The following CUL1 variants were observed in gnomAD, a reference collection of about 807,000 sequenced individuals.
CUL1 encodes cullin-1.
In CUL1, 24 loss-of-function variants were observed where a neutral mutation model predicts 118.0. The observed-to-expected ratio is 0.20, with a 90% confidence interval of 0.15 to 0.29. The LOEUF is 0.29. CUL1 is among the 10% of genes least tolerant of loss of function. CUL1 has a pLI of 1.00. For missense variants in CUL1, 361 were observed against 933.8 expected (o/e 0.39, Z 7.99); for synonymous variants, 332 against 340.4 (o/e 0.98, Z 0.27).
At chr7:148,748,421 T>C (rs1382277079) in intron 2 of CUL1, among the ~76,000 whole-genome samples, 1 of 152,214 alleles carries the variant, frequency 6.6e-6, no homozygotes, top group Non-Finnish European at 1.5e-5. Flanking sequence ...TAAGGCAATG[T>C]TGTTAGGAAT....
chr7:148,753,943 G>GGTTA, intron 2 of CUL1, 33 bp from the exon 3 acceptor site: 2 of 1,506,426 alleles, frequency 1.3e-6, no homozygotes, highest in Non-Finnish European at 1.8e-6. Flanking sequence ...TAACGTCTGT[G>GGTTA]ATATATGTTG....
In CUL1 at chr7:148,789,826, G is replaced by A. The variant is rs755146717; in HGVS notation, c.1674G>A (p.Glu558=). 1 of 1,614,026 alleles carries A rather than the reference G, an allele frequency of 6.2e-7. No individual in the cohort carries two copies. The highest frequency in any genetic ancestry group is 1.1e-5 in the South Asian group (1 of 91,066). ...QQSCTFALPS[E]LERSYQRFTA... Reference sequence around the variant, plus strand: ...CTTGTACATTTGCCTTGCCGTCAGAGGTAAGGATGGGTTTGTCTGCCATCC... The same window carrying A: ...CTTGTACATTTGCCTTGCCGTCAGAAGTAAGGATGGGTTTGTCTGCCATCC... The change falls in exon 15 of 22, where the codon GAG becomes GAA. Residue 558 remains glutamate (E), a splice_region_variant and synonymous_variant. Coordinates refer to ENST00000325222, the MANE Select transcript of CUL1 (RefSeq NM_003592.3).
At chr7:148,744,393 CTGCAGTGTGTGTG>C (rs1334989704) in intron 2 of CUL1, among the ~76,000 whole-genome samples, 1 of 135,326 alleles carries the variant, frequency 7.4e-6, no homozygotes. Context: ...TTGGTTGTTT[CTGCAGTGTGTGTG>C]TGTGTGTGTG....
intron 9 of CUL1, chr7:148,783,425 G>C: frequency 1.0e-6 from 1 of 985,476 alleles, no homozygotes; most frequent in African/African-American, 1.7e-5. Flanking sequence ...TTCTCCAGCT[G>C]AAACAGAGTC....
chr7:148,752,178 A>G (rs557670150), intron 2 of CUL1, among the ~76,000 whole-genome samples: 3 of 152,378 alleles, frequency 2.0e-5, no homozygotes, highest in South Asian at 4.1e-4. Context: ...AGCAAAATAT[A>G]AAAACATAGG....
chr7:148,779,532 C>T (rs1800539311), intron 9 of CUL1, among the ~76,000 whole-genome samples: 1 of 152,224 alleles, frequency 6.6e-6, no homozygotes, highest in African/African-American at 2.4e-5. Context: ...GGCGTACACA[C>T]AGCCCATTCT....
At chr7:148,727,189 C>A (rs868662046) in intron 1 of CUL1, among the ~76,000 whole-genome samples, 1 of 152,128 alleles carries the variant, frequency 6.6e-6, no homozygotes, top group Non-Finnish European at 1.5e-5. Flanking sequence ...TTTCGTAAGC[C>A]TGTTTAAACA....
Position 148,784,093 on chromosome 7 carries a change from A to G in CUL1, c.1298+16A>G, listed in dbSNP as rs763592622. The G allele has an allele frequency of 5.0e-6, 8 of 1,587,750 alleles. No individual in the cohort carries two copies. The highest frequency in any genetic ancestry group is 2.2e-5 in the East Asian group (1 of 44,782). On this transcript the variant is annotated intron_variant, in intron 11 of 21. Transcript: ENST00000325222. ...TGAAGAAAAGGTATTAAATGACCCTATGTTTTCTTAGTATGCCTGTTTAAA... is the reference window on the plus strand; with the variant it reads ...TGAAGAAAAGGTATTAAATGACCCTGTGTTTTCTTAGTATGCCTGTTTAAA...
chr7:148,785,849 C>G (rs1297277106), intron 11 of CUL1, among the ~76,000 whole-genome samples: 2 of 152,008 alleles, frequency 1.3e-5, no homozygotes, highest in Non-Finnish European at 2.9e-5. Context: ...AGAGGAACAC[C>G]CCTGACCCAA....
At chr7:148,794,175 G>GT (rs1801108238) in intron 17 of CUL1, among the ~76,000 whole-genome samples, 2 of 151,294 alleles carry the variant, frequency 1.3e-5, no homozygotes, top group South Asian at 2.1e-4. Flanking sequence ...ATTTACAAAT[G>GT]TTTTTTCCCA....
chr7:148,733,328 A>G (rs56169558), intron 2 of CUL1, among the ~76,000 whole-genome samples: 8,451 of 152,284 alleles, frequency 0.055, 824 homozygotes, highest in African/African-American at 0.19. Flanking sequence ...ATCATAAAAT[A>G]TAATTTTACC....
At chr7:148,713,706 C>T (rs909378723) in intron 1 of CUL1, among the ~76,000 whole-genome samples, 5 of 152,026 alleles carry the variant, frequency 3.3e-5, no homozygotes, top group Admixed American at 6.6e-5. Context: ...ATTAAATTAG[C>T]ATGTGTGTGT....
At position 148,760,509 on chromosome 7, in the gene CUL1, A is replaced by T; in HGVS notation, c.789+13A>T. On this transcript the variant is annotated intron_variant, in intron 7 of 21. Coordinates refer to ENST00000325222, the MANE Select transcript of CUL1 (RefSeq NM_003592.3). ...ATATATGAAAAAGGTAAGCTTAAAT[A>T]TAGTACTTTAAGTAGACTTAAGTTA... The T allele has an allele frequency of 6.3e-7, 1 of 1,590,712 alleles. No homozygotes were observed. Among genetic ancestry groups the T allele is most frequent in the South Asian group, 1.1e-5 (1 of 88,352 alleles).
chr7:148,725,478 A>G (rs1255462909), intron 1 of CUL1, among the ~76,000 whole-genome samples: 1 of 152,118 alleles, frequency 6.6e-6, no homozygotes, highest in Non-Finnish European at 1.5e-5. Context: ...CCCTCTGGCA[A>G]CGCTTGTTAC....
intron 1 of CUL1, among the ~76,000 whole-genome samples, chr7:148,706,151 A>T (rs243541): frequency 0.31 from 47,089 of 152,046 alleles, 8,136 homozygotes; most frequent in South Asian, 0.48. Flanking sequence ...AAACATGTGA[A>T]TTCCCCGTTT....
intron 7 of CUL1, among the ~76,000 whole-genome samples, chr7:148,762,166 T>G (rs1563162114): frequency 6.6e-6 from 1 of 152,192 alleles, no homozygotes; most frequent in African/African-American, 2.4e-5. Context: ...TTGCCCTGTA[T>G]TCCCTGTTCA....
chr7:148,769,506 G>T (rs1390017025), intron 9 of CUL1, among the ~76,000 whole-genome samples: 1 of 150,876 alleles, frequency 6.6e-6, no homozygotes, highest in East Asian at 1.9e-4. Context: ...CATTTTTTCA[G>T]TAATATAAGG....
intron 9 of CUL1, among the ~76,000 whole-genome samples, chr7:148,778,099 AAG>A: frequency 2.0e-5 from 2 of 101,938 alleles, no homozygotes; most frequent in Admixed American, 9.1e-5. Context: ...AAAAAAAAAG[AAG>A]AAGAAGAAGA....
rs1209237139 is a variant in CUL1 at position 148,773,886 on chromosome 7, A to G, written c.1083+6137A>G. ...TTTATGTGACACTGCTTTATGCTTT[A>G]GATGTCCGTGTGAACGTCCCTCTAT... On this transcript the variant is annotated intron_variant, in intron 9 of 21. Coordinates refer to ENST00000325222, the MANE Select transcript of CUL1 (RefSeq NM_003592.3). 2.6e-5 allele frequency among the ~76,000 whole-genome samples: 4 copies of G among 152,192 alleles called. No homozygotes were observed. In the East Asian group the frequency reaches 7.7e-4, roughly 29 times the overall value.
Sources: gnomAD v4.1 joint callset for allele counts (sites outside exome capture counted in the v4.1 genomes callset) on GRCh38, gnomAD v4.1.1 for gene constraint, MANE v1.5 for transcripts, NCBI Gene and HGNC (gene_info 2026-07-23, HGNC 2026-07-21) for gene names.